The following ARL15 variants were observed in gnomAD, a reference collection of about 807,000 sequenced individuals.
The protein encoded by ARL15 is ADP-ribosylation factor-like protein 15.
A neutral mutation model predicts 25.2 loss-of-function variants in ARL15; 19 were observed. That is an observed-to-expected ratio of 0.75 (90% CI 0.53 to 1.10). The LOEUF (loss-of-function observed/expected upper bound fraction) is 1.10. ARL15 is among the 50% of genes least tolerant of loss of function. The pLI, the probability that ARL15 is intolerant of heterozygous loss-of-function variation, is 0.00. For synonymous variants in ARL15, 94 were observed against 86.8 expected (o/e 1.08, Z -0.46); for missense variants, 220 against 246.0 (o/e 0.89, Z 0.71).
intron 4 of ARL15, among the ~76,000 whole-genome samples, chr5:53,886,932 G>A (rs538104072): frequency 7.2e-4 from 110 of 152,226 alleles, no homozygotes; most frequent in African/African-American, 2.4e-3. Context: ...AATGATCTGC[G>A]TGCAAGCCAC....
chr5:54,249,359 G>A (rs1412644486), intron 1 of ARL15, among the ~76,000 whole-genome samples: 1 of 152,194 alleles, frequency 6.6e-6, no homozygotes, highest in African/African-American at 2.4e-5. Context: ...AGAGTCAAAT[G>A]TGCAATGGCA....
rs79755866 is a variant in ARL15 at position 54,025,629 on chromosome 5, T to G, written c.462+87573A>C. ...TCTTTCCTCAGTTTAGTGGGAAAGA[T>G]CCTATGCTACTGGCAAGTTATTTGT... On this transcript the variant is annotated intron_variant, in intron 4 of 4. Coordinates refer to ENST00000504924, the MANE Select transcript of ARL15 (RefSeq NM_019087.3). Among the ~76,000 whole-genome samples, 1,287 of 151,570 alleles carry G rather than the reference T, an allele frequency of 8.5e-3. 25 individuals carry two copies. The highest frequency in any genetic ancestry group is 0.029 in the African/African-American group (1,206 of 41,178).
chr5:53,920,678 TAAATAAATA>T (rs1745826038), intron 4 of ARL15, among the ~76,000 whole-genome samples: 1 of 150,416 alleles, frequency 6.6e-6, no homozygotes, highest in Admixed American at 6.6e-5. Flanking sequence ...AATAAATAAA[TAAATAAATA>T]AAAGGAGCTG....
At chr5:53,934,460 G>A (rs186597923) in intron 4 of ARL15, among the ~76,000 whole-genome samples, 53 of 152,000 alleles carry the variant, frequency 3.5e-4, no homozygotes, top group Admixed American at 2.6e-3. Flanking sequence ...ACCTGGCTAC[G>A]CAGAGCTCTT....
At chr5:53,921,927 A>G (rs977487506) in intron 4 of ARL15, among the ~76,000 whole-genome samples, 1 of 152,236 alleles carries the variant, frequency 6.6e-6, no homozygotes, top group Non-Finnish European at 1.5e-5. Flanking sequence ...AAAACAAAAA[A>G]TGTCTAATTC....
At chr5:53,906,366 G>A (rs993452134) in intron 4 of ARL15, among the ~76,000 whole-genome samples, 2 of 152,078 alleles carry the variant, frequency 1.3e-5, no homozygotes, top group Admixed American at 1.3e-4. Flanking sequence ...ATGGGATGGG[G>A]GTTTGACAGG....
chr5:54,072,483 G>A (rs937185243), intron 4 of ARL15, among the ~76,000 whole-genome samples: 10 of 152,148 alleles, frequency 6.6e-5, no homozygotes, highest in African/African-American at 2.4e-5. Flanking sequence ...ATCTCTCAGC[G>A]CTGGTACAAA....
At chr5:54,217,057 A>C (rs1756228317) in intron 1 of ARL15, among the ~76,000 whole-genome samples, 1 of 152,160 alleles carries the variant, frequency 6.6e-6, no homozygotes, top group South Asian at 2.1e-4. Flanking sequence ...TAGGTAAAGA[A>C]ATAGGAAAAC....
chr5:53,946,264 G>A (rs1009981179), intron 4 of ARL15, among the ~76,000 whole-genome samples: 1 of 151,938 alleles, frequency 6.6e-6, no homozygotes, highest in African/African-American at 2.4e-5. Context: ...GACCAGCCTG[G>A]CCAACATGGC....
At chr5:53,977,736 G>T (rs1049940242) in intron 4 of ARL15, among the ~76,000 whole-genome samples, 16 of 152,126 alleles carry the variant, frequency 1.1e-4, no homozygotes, top group African/African-American at 3.9e-4. Context: ...GTCTTATCAA[G>T]TCTCTGGAAA....
chr5:53,913,581 T>TA (rs921632202), intron 4 of ARL15, among the ~76,000 whole-genome samples: 2 of 152,224 alleles, frequency 1.3e-5, no homozygotes, highest in African/African-American at 4.8e-5. Context: ...CTCTAGGCCA[T>TA]AGTTTTCTAA....
intron 4 of ARL15, among the ~76,000 whole-genome samples, chr5:53,933,289 A>G (rs745789417): frequency 2.0e-5 from 3 of 152,186 alleles, no homozygotes; most frequent in African/African-American, 4.8e-5. Context: ...GGGAGGGTGT[A>G]GTTTGAATAG....
At chr5:54,081,651 G>A (rs1163261389) in intron 4 of ARL15, among the ~76,000 whole-genome samples, 1 of 152,082 alleles carries the variant, frequency 6.6e-6, no homozygotes, top group African/African-American at 2.4e-5. Context: ...TCCCCTTCCT[G>A]CTGCCTTGTG....
intron 1 of ARL15, among the ~76,000 whole-genome samples, chr5:54,257,772 C>G (rs1185872490): frequency 6.6e-6 from 1 of 152,076 alleles, no homozygotes; most frequent in Non-Finnish European, 1.5e-5. Context: ...CTATTCCAAG[C>G]CCACACAAAG....
At chr5:53,928,046 A>G (rs112912199) in intron 4 of ARL15, among the ~76,000 whole-genome samples, 7 of 152,334 alleles carry the variant, frequency 4.6e-5, no homozygotes, top group African/African-American at 9.6e-5. Flanking sequence ...GAGGCACTGC[A>G]TAAATGTCAG....
chr5:54,271,655 G>C (rs1757787858), intron 1 of ARL15, among the ~76,000 whole-genome samples: 1 of 152,062 alleles, frequency 6.6e-6, no homozygotes, highest in Admixed American at 6.6e-5. Flanking sequence ...TGCTAACTTA[G>C]TCAACAGAGA....
intron 1 of ARL15, among the ~76,000 whole-genome samples, chr5:54,232,250 T>G (rs1756691322): frequency 6.6e-6 from 1 of 152,210 alleles, no homozygotes; most frequent in African/African-American, 2.4e-5. Context: ...CTGTATCCTT[T>G]ACTAGATTCT....
intron 4 of ARL15, among the ~76,000 whole-genome samples, chr5:54,062,911 A>G (rs1751111798): frequency 6.6e-6 from 1 of 152,228 alleles, no homozygotes; most frequent in Non-Finnish European, 1.5e-5. Context: ...AGCAGATGCT[A>G]AAGATAGAGA....
At chr5:54,068,495 T>C (rs924619962) in intron 4 of ARL15, among the ~76,000 whole-genome samples, 2 of 152,242 alleles carry the variant, frequency 1.3e-5, no homozygotes, top group African/African-American at 2.4e-5. Flanking sequence ...TCTGTTTCTT[T>C]ATCTCTAACT....
Sources: allele counts gnomAD v4.1 joint callset (sites outside exome capture counted in the v4.1 genomes callset), GRCh38; gene constraint gnomAD v4.1.1; transcripts MANE v1.5; gene names NCBI Gene and HGNC (gene_info 2026-07-23, HGNC 2026-07-21).